Variants in RYR3 observed in about 807,000 individuals in gnomAD.
RYR3 encodes the protein brain ryanodine receptor-calcium release channel.
In RYR3, 207 loss-of-function variants were observed where a neutral mutation model predicts 584.3. That is an observed-to-expected ratio of 0.35 (90% CI 0.32 to 0.40). The LOEUF (loss-of-function observed/expected upper bound fraction) is 0.40, where lower values mean the gene tolerates loss of function less well. RYR3 is among the 10% of genes least tolerant of loss of function. RYR3 has a pLI of 1.00. For missense variants in RYR3, 5,616 were observed against 6,089.2 expected (o/e 0.92, Z 2.59); for synonymous variants, 2,416 against 2,248.5 (o/e 1.07, Z -2.11).
intron 42 of RYR3, 33 bp downstream of exon 42, chr15:33,701,113 C>G (rs1237100803): frequency 1.4e-5 from 20 of 1,462,040 alleles, no homozygotes; most frequent in Non-Finnish European, 1.9e-5. Context: ...GTGTGGTGTT[C>G]TCTTCGGCCT....
At chr15:33,391,179 T>C (rs2041971277) in intron 1 of RYR3, among the ~76,000 whole-genome samples, 1 of 152,082 alleles carries the variant, frequency 6.6e-6, no homozygotes, top group Non-Finnish European at 1.5e-5. Context: ...GATTTGGGAG[T>C]AATTCTCAAA....
intron 60 of RYR3, among the ~76,000 whole-genome samples, chr15:33,764,137 T>C (rs1423256646): frequency 6.6e-6 from 1 of 152,130 alleles, no homozygotes; most frequent in Non-Finnish European, 1.5e-5. Flanking sequence ...TGTACGTTTA[T>C]TGCAGCACTG....
At chr15:33,425,987 T>C (rs1038266250) in intron 1 of RYR3, among the ~76,000 whole-genome samples, 7 of 152,178 alleles carry the variant, frequency 4.6e-5, no homozygotes, top group Non-Finnish European at 1.0e-4. Context: ...ACTGATATGT[T>C]CCTACATTGT....
chr15:33,649,367 C>A, intron 31 of RYR3, 132 bp downstream of exon 31: 3 of 850,064 alleles, frequency 3.5e-6, no homozygotes, highest in East Asian at 5.0e-5. Context: ...GAAGCACAGA[C>A]TTCAAAGAAA....
At chr15:33,400,550 C>T (rs2042586503) in intron 1 of RYR3, among the ~76,000 whole-genome samples, 1 of 152,226 alleles carries the variant, frequency 6.6e-6, no homozygotes. Flanking sequence ...GGGCTGAGTT[C>T]TATCACTGAT....
intron 102 of RYR3, among the ~76,000 whole-genome samples, chr15:33,862,287 A>ACTGCAACCTCCACCTCCCAGGCT (rs1888559572): frequency 6.6e-6 from 1 of 152,098 alleles, no homozygotes; most frequent in Non-Finnish European, 1.5e-5. Context: ...ATCTTGGCTC[A>ACTGCAACCTCCACCTCCCAGGCT]CTGCAACCTC....
chr15:33,503,785 T>A, intron 3 of RYR3, 47 bp downstream of exon 3: 2 of 1,088,880 alleles, frequency 1.8e-6, no homozygotes, highest in Non-Finnish European at 2.8e-6. Flanking sequence ...GTGCACCACA[T>A]CCCCAAAATA....
intron 74 of RYR3, chr15:33,815,699 A>G (rs1026412749): frequency 5.1e-6 from 2 of 391,828 alleles, no homozygotes; most frequent in African/African-American, 4.1e-5. Flanking sequence ...TGATGGAGAC[A>G]ACTTCTCTTC....
intron 95 of RYR3, 44 bp from the exon 96 acceptor site, chr15:33,853,511 T>A: frequency 6.3e-7 from 1 of 1,597,922 alleles, no homozygotes; most frequent in South Asian, 1.1e-5. Flanking sequence ...AAATATTTGG[T>A]GGTGGCGTGT....
intron 93 of RYR3, 36 bp downstream of exon 93, chr15:33,845,098 C>A: frequency 6.2e-7 from 1 of 1,603,148 alleles, no homozygotes; most frequent in Non-Finnish European, 8.5e-7. Context: ...AATCTCACTC[C>A]TTGAGGAAGA....
chr15:33,773,397 A>G (rs976521574), intron 63 of RYR3, 137 bp from the exon 64 acceptor site: 2 of 659,206 alleles, frequency 3.0e-6, no homozygotes, highest in African/African-American at 3.6e-5. Flanking sequence ...TGGGTAGAAA[A>G]GGGATATGTT....
In RYR3 at chr15:33,785,854, C is replaced by G; in HGVS notation, c.9461C>G (p.Pro3154Arg). 6.2e-7 allele frequency: 1 copy of G among 1,613,864 alleles called. No individual in the cohort carries two copies. Among genetic ancestry groups the G allele is most frequent in the Non-Finnish European group, 8.5e-7 (1 of 1,179,834 alleles). Residue 3154 changes from proline to arginine, a missense_variant, in exon 66 of 104, where the codon CCC becomes CGC. Pro to Arg is a moderately radical substitution (Grantham distance 103). Coordinates refer to ENST00000634891, the MANE Select transcript of RYR3 (RefSeq NM_001036.6). ...YWWERGPENL[P>R]PSTGPCCTKV... is the part of the protein sequence containing the mutation. ...TGGGAGCGGGGTCCTGAGAACCTGC[C>G]CCCCAGCACAGGGCCATGCTGCACC...
At chr15:33,736,358 T>C in intron 49 of RYR3, 33 bp downstream of exon 49, 1 of 1,446,378 alleles carries the variant, frequency 6.9e-7, no homozygotes, top group Non-Finnish European at 9.6e-7. Context: ...AAATACAGTC[T>C]ATTGCACAGG....
At chr15:33,623,637 G>A (rs993209155) in intron 19 of RYR3, among the ~76,000 whole-genome samples, 170 bp from the exon 20 acceptor site, 2 of 152,178 alleles carry the variant, frequency 1.3e-5, no homozygotes, top group Non-Finnish European at 2.9e-5. Flanking sequence ...TTACCCCTCT[G>A]CTGTTTTGTT....
In RYR3 at chr15:33,809,534, C is replaced by T. The variant is rs115975237; in HGVS notation, c.10027-945C>T. Reference sequence around the variant, plus strand: ...GACCCACCAAGTGATTTCCCTGTGCCGTGGATGCTGAGGGTTCTCAGTGGG... The same window carrying T: ...GACCCACCAAGTGATTTCCCTGTGCTGTGGATGCTGAGGGTTCTCAGTGGG... On this transcript the variant is annotated intron_variant, in intron 70 of 103. Transcript: ENST00000634891. Among the ~76,000 whole-genome samples, 644 of 152,006 alleles carry T rather than the reference C, an allele frequency of 4.2e-3. 13 individuals carry two copies. The highest frequency in any genetic ancestry group is 0.014 in the African/African-American group (588 of 41,454).
At position 33,729,035 on chromosome 15, in the gene RYR3, C is replaced by T; in HGVS notation, c.7203+9C>T. ...CTGCCTCTCTAGATACAGTAAGTTG[C>T]AAAAATAACAAAAAATTATTGTTCC... is the stretch of plus-strand genomic sequence containing the variant. On this transcript the variant is annotated intron_variant, in intron 47 of 103. Transcript: ENST00000634891. 1 of 1,602,532 alleles carries T rather than the reference C, an allele frequency of 6.2e-7. No homozygotes were observed.
At chr15:33,598,950 G>A (rs957505043) in intron 16 of RYR3, among the ~76,000 whole-genome samples, 1 of 152,130 alleles carries the variant, frequency 6.6e-6, no homozygotes, top group African/African-American at 2.4e-5. Context: ...AGCTACTTGG[G>A]AGACTGAGGC....
intron 1 of RYR3, among the ~76,000 whole-genome samples, chr15:33,421,553 AGGTAGAT>A (rs2044244742): frequency 6.6e-6 from 1 of 152,138 alleles, no homozygotes; most frequent in Non-Finnish European, 1.5e-5. Flanking sequence ...TCCCAAACAA[AGGTAGAT>A]GGTGTGAAAT....
chr15:33,707,163 T>G, intron 43 of RYR3, 109 bp downstream of exon 43: 1 of 1,304,520 alleles, frequency 7.7e-7, no homozygotes, highest in Non-Finnish European at 1.1e-6. Context: ...AATAGGGGGT[T>G]GGTGGCTGGC....
Sources: gnomAD v4.1 joint callset for allele counts (sites outside exome capture counted in the v4.1 genomes callset) on GRCh38, gnomAD v4.1.1 for gene constraint, MANE v1.5 for transcripts, NCBI Gene and HGNC (gene_info 2026-07-23, HGNC 2026-07-21) for gene names.